Variants in GSDMC observed in about 807,000 individuals in gnomAD.
The protein encoded by GSDMC is gasdermin C.
In GSDMC, 59 loss-of-function variants were observed where a neutral mutation model predicts 58.0. That is an observed-to-expected ratio of 1.02 (90% CI 0.82 to 1.26). The LOEUF (loss-of-function observed/expected upper bound fraction) is 1.26, where lower values mean the gene tolerates loss of function less well. GSDMC is among the 50% of genes most tolerant of loss of function. The pLI is 0.00. For synonymous variants in GSDMC, 241 were observed against 220.2 expected (o/e 1.09, Z -0.83); for missense variants, 659 against 598.5 (o/e 1.10, Z -1.06).
the GSDMC span, among the ~76,000 whole-genome samples, chr8:129,734,242 A>C: frequency 6.6e-6 from 1 of 152,226 alleles, no homozygotes; most frequent in African/African-American, 2.4e-5. Context: ...CCAAGTTGGA[A>C]AACACTCTTC....
In GSDMC at chr8:129,752,730, T is replaced by C. The variant is rs141073989; in HGVS notation, c.812A>G (p.Asn271Ser). 3.1e-6 allele frequency: 5 copies of C among 1,614,074 alleles called. No homozygotes were observed. The highest frequency in any genetic ancestry group is 1.6e-4 in the Middle Eastern group (1 of 6,084). Residue 271 changes from asparagine to serine, a missense_variant, in exon 7 of 14, where the codon AAT becomes AGT. Transcript: ENST00000276708. ...SFHTISPTLF[N>S]ASSNDMKLKP... Reference sequence around the variant, plus strand: ...TAACTTCATATCATTGGATGAGGCATTGAAGAGGGTTGGAGAGATGGTATG... The same window carrying C: ...TAACTTCATATCATTGGATGAGGCACTGAAGAGGGTTGGAGAGATGGTATG...
chr8:129,720,844 G>C, the GSDMC span, among the ~76,000 whole-genome samples: 2 of 152,180 alleles, frequency 1.3e-5, no homozygotes, highest in Non-Finnish European at 2.9e-5. Context: ...TTCTAGCCAG[G>C]TCTGTTGCAG....
chr8:129,712,242 C>T, the GSDMC span, among the ~76,000 whole-genome samples: 1 of 152,160 alleles, frequency 6.6e-6, no homozygotes, highest in Admixed American at 6.5e-5. Context: ...TCATTGAATA[C>T]ATTTCTACCT....
At chr8:129,757,120 G>C (rs1586586033) in intron 6 of GSDMC, among the ~76,000 whole-genome samples, 3 of 151,726 alleles carry the variant, frequency 2.0e-5, no homozygotes, top group Admixed American at 2.0e-4. Flanking sequence ...CAAAAAGTTG[G>C]CTTTTTGAAA....
chr8:129,728,744 C>G, the GSDMC span: 1 of 475,908 alleles, frequency 2.1e-6, no homozygotes, highest in South Asian at 2.1e-5. Context: ...TCAAACTGCA[C>G]AGTGCGATAT....
At chr8:129,752,023 C>T in intron 8 of GSDMC, 83 bp downstream of exon 8, 1 of 1,477,378 alleles carries the variant, frequency 6.8e-7, no homozygotes. Context: ...GACCCCAAGA[C>T]TTTGGGTAAT....
chr8:129,769,084 A>AAGGAGAGGAGAGGAGAGGAGAGGAG (rs59634816), intron 3 of GSDMC, among the ~76,000 whole-genome samples: 142 of 145,666 alleles, frequency 9.7e-4, no homozygotes, highest in African/African-American at 3.4e-3. Flanking sequence ...TCACAAAGGA[A>AAGGAGAGGAGAGGAGAGGAGAGGAG]AGGAGAGGAG....
chr8:129,748,664 G>C lies in GSDMC; in HGVS notation c.1364C>G (p.Pro455Arg). Reference protein sequence around the residue: ...PFTLKPELLAPLQSEGLAITY... With the variant: ...PFTLKPELLARLQSEGLAITY... The stretch of plus-strand genomic sequence containing the variant: ...GATGGCCAAACCCTCACTCTGGAGT[G>C]GGGCGAGGAGCTCAGGTTTGAGGGT... Residue 455 changes from proline to arginine, a missense_variant, in exon 14 of 14, where the codon CCA becomes CGA. Physicochemically the swap from Pro to Arg is moderately radical, Grantham distance 103. Transcript: ENST00000276708. The C allele has an allele frequency of 6.2e-7, 1 of 1,608,862 alleles. No homozygotes were observed. The highest frequency in any genetic ancestry group is 8.5e-7 in the Non-Finnish European group (1 of 1,177,782).
chr8:129,729,713 ATGGACATT>A, the GSDMC span: 1 of 529,356 alleles, frequency 1.9e-6, no homozygotes, highest in East Asian at 3.4e-5. Flanking sequence ...TCTATCATTG[ATGGACATT>A]TGGGTTGGTT....
chr8:129,727,648 G>C, the GSDMC span, among the ~76,000 whole-genome samples: 1 of 152,188 alleles, frequency 6.6e-6, no homozygotes, highest in East Asian at 1.9e-4. Flanking sequence ...ACTCAGGACT[G>C]AGATCAGGAT....
At chr8:129,750,297 C>A (rs538494263) in intron 11 of GSDMC, 134 bp downstream of exon 11, 1 of 1,088,532 alleles carries the variant, frequency 9.2e-7, no homozygotes, top group Non-Finnish European at 1.3e-6. Context: ...GTGCCCGGCA[C>A]CAGAGTCCCC....
the GSDMC span, chr8:129,730,479 G>A: frequency 2.4e-6 from 2 of 836,298 alleles, no homozygotes; most frequent in Non-Finnish European, 3.4e-6. Context: ...TTGTAGCTTA[G>A]AAAAATTCTA....
chr8:129,724,763 G>A, the GSDMC span, among the ~76,000 whole-genome samples: 1 of 152,088 alleles, frequency 6.6e-6, no homozygotes, highest in African/African-American at 2.4e-5. Flanking sequence ...GGAAAAAAAT[G>A]TTATTAGAAT....
At chr8:129,750,674 A>G in intron 10 of GSDMC, 104 bp from the exon 11 acceptor site, 1 of 1,175,934 alleles carries the variant, frequency 8.5e-7, no homozygotes, top group Non-Finnish European at 1.2e-6. Flanking sequence ...AAACTCCTCT[A>G]TCCCTTTCAG....
At position 129,748,293 on chromosome 8, in the gene GSDMC, A is replaced by G. The variant is rs917600190; in HGVS notation, c.*208T>C. 1.8e-5 allele frequency: 8 copies of G among 442,936 alleles called. No individual in the cohort carries two copies. Among genetic ancestry groups the G allele is most frequent in the Non-Finnish European group, 3.2e-5 (8 of 252,656 alleles). 27.4% of individuals were successfully genotyped at this position (442,936 alleles called of 1,614,324 possible). A position where few individuals can be genotyped will look rare whatever the true frequency, so the allele number is the denominator to read the frequency against. On this transcript the variant is annotated 3_prime_UTR_variant, in exon 14 of 14. Transcript: ENST00000276708. ...CTATTTGAGGAGTTTTGACAAATAT[A>G]TAAACTCTTGTCAATATATAAACTC...
In GSDMC at chr8:129,748,243, G is replaced by GCTTACGTCTTTAACATACTATT. The variant is rs532516378; in HGVS notation, c.*257_*258insAATAGTATGTTAAAGACGTAAG. The stretch of plus-strand genomic sequence containing the variant: ...TATTTTGAAGTAAAATTTATACATA[G>GCTTACGTCTTTAACATACTATT]TGAAACGCTTACGTCTTTAACATAC... On this transcript the variant is annotated 3_prime_UTR_variant, in exon 14 of 14. Coordinates refer to ENST00000276708, the MANE Select transcript of GSDMC (RefSeq NM_031415.3). The GCTTACGTCTTTAACATACTATT allele has an allele frequency of 1.6e-4, 48 of 298,676 alleles. 1 individual carries two copies. The East Asian group carries it at 2.6e-3, about 16-fold the overall frequency. 18.5% of individuals were successfully genotyped at this position (298,676 alleles called of 1,614,324 possible).
At position 129,760,525 on chromosome 8, in the gene GSDMC, GACCAGGCTTTGGAACTC is replaced by G. The variant is rs2033617486; in HGVS notation, c.721+3_721+19del. On this transcript the variant is annotated splice_donor_5th_base_variant and intron_variant, in intron 6 of 13. Transcript: ENST00000276708. ...ACTCATAAAAATAAAAAAATAAAAA[GACCAGGCTTTGGAACTC>G]ACCATCTTGAAAGGTTCTCTGTTCA... 6.7e-7 allele frequency: 1 copy of G among 1,503,280 alleles called. No homozygotes were observed. The highest frequency in any genetic ancestry group is 1.7e-5 in the Admixed American group (1 of 57,864). The allele number at this position is 1,503,280 out of a possible 1,614,324, so 93.1% of individuals were successfully genotyped here.
At chr8:129,785,404 G>A (rs1184331075) in intron 1 of GSDMC, among the ~76,000 whole-genome samples, 1 of 150,668 alleles carries the variant, frequency 6.6e-6, no homozygotes, top group Non-Finnish European at 1.5e-5. Context: ...ATATTAGGGG[G>A]TGGGAGGGAG....
In GSDMC at chr8:129,765,611, T is replaced by G. The variant is rs1164207006; in HGVS notation, c.570+17A>C. ...TATTTTTTTGAATTTCAATCCCACTTCAGGACAACTTTATACCTTGCCATA... is the reference window on the plus strand; with the variant it reads ...TATTTTTTTGAATTTCAATCCCACTGCAGGACAACTTTATACCTTGCCATA... On this transcript the variant is annotated intron_variant, in intron 4 of 13. Coordinates refer to ENST00000276708, the MANE Select transcript of GSDMC (RefSeq NM_031415.3). 6.2e-7 allele frequency: 1 copy of G among 1,604,130 alleles called. No homozygotes were observed. Among genetic ancestry groups the G allele is most frequent in the South Asian group, 1.1e-5 (1 of 90,668 alleles).
Sources: gnomAD v4.1 joint callset for allele counts (sites outside exome capture counted in the v4.1 genomes callset) on GRCh38, gnomAD v4.1.1 for gene constraint, MANE v1.5 for transcripts, NCBI Gene and HGNC (gene_info 2026-07-23, HGNC 2026-07-21) for gene names.